LATS1: variants seen among roughly 807,000 people sequenced by gnomAD.
The protein encoded by LATS1 is large tumor suppressor kinase 1.
Under a neutral mutation model 106.6 loss-of-function variants are expected in LATS1, and 25 were observed. The ratio of observed to expected loss-of-function variants is 0.23; its 90% CI spans 0.17 to 0.33. LATS1 has a LOEUF of 0.33. LATS1 is among the 10% of genes least tolerant of loss of function. The pLI, the probability that LATS1 is intolerant of heterozygous loss-of-function variation, is 1.00. For missense variants in LATS1, 1,040 were observed against 1,382.6 expected (o/e 0.75, Z 3.93); for synonymous variants, 465 against 455.6 (o/e 1.02, Z -0.26).
rs1295155943 is a variant in LATS1 at position 149,660,851 on chromosome 6, G to A, written c.*878C>T. On this transcript the variant is annotated 3_prime_UTR_variant, in exon 8 of 8. Transcript: ENST00000543571. ...GAAAGAGGAAACAGGTAACATTGAT[G>A]ATATAATCAAAATAGTTACTATACA... 3.8e-5 allele frequency: 8 copies of A among 212,670 alleles called. No homozygotes were observed. Among genetic ancestry groups the A allele is most frequent in the Non-Finnish European group, 7.6e-5 (8 of 105,022 alleles). 13.2% of individuals were successfully genotyped at this position (212,670 alleles called of 1,614,324 possible).
chr6:149,664,813 C>A (rs1781059080), intron 7 of LATS1, among the ~76,000 whole-genome samples: 1 of 152,120 alleles, frequency 6.6e-6, no homozygotes, highest in Non-Finnish European at 1.5e-5. Flanking sequence ...CCTCAGCCTC[C>A]CGAGTAACTG....
intron 2 of LATS1, 37 bp from the exon 3 acceptor site, chr6:149,695,258 A>T: frequency 1.4e-6 from 2 of 1,396,542 alleles, no homozygotes; most frequent in South Asian, 2.5e-5. Context: ...AAGAAACAAA[A>T]TTTAAATCTT....
chr6:149,670,590 G>A (rs1240018557), intron 7 of LATS1, among the ~76,000 whole-genome samples: 1 of 151,990 alleles, frequency 6.6e-6, no homozygotes, highest in Admixed American at 6.6e-5. Flanking sequence ...AAGGTGGGCA[G>A]TAAGAACTCT....
At chr6:149,666,531 T>C (rs1371798177) in intron 7 of LATS1, among the ~76,000 whole-genome samples, 1 of 151,680 alleles carries the variant, frequency 6.6e-6, no homozygotes, top group Non-Finnish European at 1.5e-5. Flanking sequence ...GGCGGAACAA[T>C]TGCTTGAACC....
chr6:149,712,815 GA>G (rs1289295576), intron 1 of LATS1, among the ~76,000 whole-genome samples: 2 of 152,082 alleles, frequency 1.3e-5, no homozygotes, highest in Non-Finnish European at 2.9e-5. Flanking sequence ...GAAACAAAGT[GA>G]GACCCTAACT....
At chr6:149,708,357 G>GT (rs1232776075) in intron 1 of LATS1, among the ~76,000 whole-genome samples, 2 of 149,642 alleles carry the variant, frequency 1.3e-5, no homozygotes, top group Non-Finnish European at 2.9e-5. Context: ...AGAGGTTGCA[G>GT]TGAGCCGAGA....
chr6:149,717,927 C>T lies in LATS1; in HGVS notation c.-219G>A. On this transcript the variant is annotated 5_prime_UTR_variant, in exon 1 of 8. Coordinates refer to ENST00000543571, the MANE Select transcript of LATS1 (RefSeq NM_004690.4). Reference sequence around the variant, plus strand: ...CTGAGGCGGCCAGAGTCCGTCCCAGCAACCCCAAGTATCCCTGGTGGGGCA... The same window carrying T: ...CTGAGGCGGCCAGAGTCCGTCCCAGTAACCCCAAGTATCCCTGGTGGGGCA... 2.8e-6 allele frequency: 1 copy of T among 362,674 alleles called. No homozygotes were observed. The highest frequency in any genetic ancestry group is 5.3e-6 in the Non-Finnish European group (1 of 187,966). The allele number at this position is 362,674 out of a possible 1,614,324, so 22.5% of individuals were successfully genotyped here.
rs79197148 is a variant in LATS1, at chr6:149,677,034, C to A, written c.2594-297G>T. Among the ~76,000 whole-genome samples, 114 of 152,302 alleles carry A rather than the reference C, an allele frequency of 7.5e-4. 1 individual carries two copies. In the East Asian group the frequency reaches 0.02, roughly 27 times the overall value. On this transcript the variant is annotated intron_variant, in intron 5 of 7. Coordinates refer to ENST00000543571, the MANE Select transcript of LATS1 (RefSeq NM_004690.4). ...GATTAAGAGTTTGTTATTTAGCCCA[C>A]TCCCTGTTACTACTCTGGACAAACT...
chr6:149,675,876 GAT>G (rs749542050), intron 7 of LATS1: 19 of 168,884 alleles, frequency 1.1e-4, no homozygotes, highest in Admixed American at 2.3e-4. Context: ...TTTTGAGAAT[GAT>G]ATATGATATA....
intron 1 of LATS1, among the ~76,000 whole-genome samples, chr6:149,714,833 T>C (rs1468769892): frequency 6.6e-6 from 1 of 152,172 alleles, no homozygotes; most frequent in Non-Finnish European, 1.5e-5. Flanking sequence ...ACTCAAACTT[T>C]ATTGTGACAG....
At chr6:149,664,689 T>G (rs141425426) in intron 7 of LATS1, among the ~76,000 whole-genome samples, 1 of 152,188 alleles carries the variant, frequency 6.6e-6, no homozygotes, top group Non-Finnish European at 1.5e-5. Flanking sequence ...AGATGTAAAT[T>G]TGAAGTACCA....
chr6:149,678,162 TCCAAA>T (rs1781828253), intron 5 of LATS1, among the ~76,000 whole-genome samples: 7 of 28,626 alleles, frequency 2.4e-4, no homozygotes, highest in East Asian at 2.9e-3. Flanking sequence ...CTACTAAAAA[TCCAAA>T]AAAAAAAAAA....
In LATS1 at chr6:149,695,074, C is replaced by T. The variant is rs1782980881; in HGVS notation, c.496G>A (p.Gly166Arg). Residue 166 changes from glycine (G) to arginine (R), a missense_variant and splice_region_variant, in exon 3 of 8, where the codon GGG (glycine) becomes AGG (arginine). Gly to Arg is a moderately radical substitution (Grantham distance 125). Around this residue, in one of 7 missense-constraint regions of LATS1, gnomAD observed 624 missense variants for 714.8 expected, o/e 0.87. Transcript: ENST00000543571. ...ARPINASMKP[G>R]NVQQSVNRKQ... ...GAAAATAAAATATTTGATTAATCAC[C>T]TGGTTTCATGCTGGCATTAATAGGT... 1 of 1,582,962 alleles carries T rather than the reference C, an allele frequency of 6.3e-7. No homozygotes were observed. Among genetic ancestry groups the T allele is most frequent in the Non-Finnish European group, 8.6e-7 (1 of 1,168,942 alleles).
chr6:149,678,195 A>AAAAAAC (rs35255756), intron 5 of LATS1, among the ~76,000 whole-genome samples: 1 of 140,754 alleles, frequency 7.1e-6, no homozygotes, highest in Non-Finnish European at 1.5e-5. Context: ...AAAAAAAAAA[A>AAAAAAC]TAGCCGGGCG....
At chr6:149,704,887 T>C (rs867701308) in intron 1 of LATS1, among the ~76,000 whole-genome samples, 1,792 of 139,854 alleles carry the variant, frequency 0.013, 59 homozygotes, top group African/African-American at 0.045. Flanking sequence ...AAATTAATTA[T>C]ACACACACAC....
At position 149,700,199 on chromosome 6, in the gene LATS1, G is replaced by T. The variant is rs1322394178; in HGVS notation, c.348+1580C>A. 2.0e-5 allele frequency among the ~76,000 whole-genome samples: 3 copies of T among 152,282 alleles called. No individual in the cohort carries two copies. The South Asian group carries it at 6.2e-4, about 32-fold the overall frequency. ...AAATAAAATTTCTTATTTTCAGCTG[G>T]GTGTGGTGGCTCATGCCTGTAATCC... On this transcript the variant is annotated intron_variant, in intron 2 of 7. Transcript: ENST00000543571.
At chr6:149,714,184 T>C (rs1010758414) in intron 1 of LATS1, among the ~76,000 whole-genome samples, 2 of 151,360 alleles carry the variant, frequency 1.3e-5, no homozygotes, top group Non-Finnish European at 2.9e-5. Flanking sequence ...GTTGGCCAGG[T>C]TGGTCTTGAA....
At chr6:149,707,217 T>C (rs1027083279) in intron 1 of LATS1, among the ~76,000 whole-genome samples, 1 of 152,020 alleles carries the variant, frequency 6.6e-6, no homozygotes, top group Non-Finnish European at 1.5e-5. Flanking sequence ...GGTTTCACCA[T>C]GTAGGTCAGG....
chr6:149,705,703 TATTTGA>T (rs916123900), intron 1 of LATS1, among the ~76,000 whole-genome samples: 11 of 152,200 alleles, frequency 7.2e-5, no homozygotes, highest in African/African-American at 2.6e-4. Flanking sequence ...AGCGCAAAAA[TATTTGA>T]ACTTACAAAT....
Sources: gnomAD v4.1 joint callset for allele counts (sites outside exome capture counted in the v4.1 genomes callset) on GRCh38, gnomAD v4.1.1 for gene constraint, gnomAD v4.1.1 regional missense constraint, MANE v1.5 for transcripts, NCBI Gene and HGNC (gene_info 2026-07-23, HGNC 2026-07-21) for gene names.